Variants in ROBO2 observed in about 807,000 individuals in gnomAD.
The protein encoded by ROBO2 is roundabout homolog 2.
Under a neutral mutation model 160.8 loss-of-function variants are expected in ROBO2, and 53 were observed. The observed-to-expected ratio is 0.33, with a 90% CI of 0.26 to 0.41. The LOEUF is 0.41. ROBO2 is among the 10% of genes least tolerant of loss of function. The pLI, the probability that ROBO2 is intolerant of heterozygous loss-of-function variation, is 1.00. For missense variants in ROBO2, 1,577 were observed against 1,722.4 expected (o/e 0.92, Z 1.49); for synonymous variants, 664 against 611.7 (o/e 1.09, Z -1.26).
At chr3:77,223,159 G>A (rs2151214256) in intron 2 of ROBO2, among the ~76,000 whole-genome samples, 1 of 152,226 alleles carries the variant, frequency 6.6e-6, no homozygotes, top group African/African-American at 2.4e-5. Context: ...CACTGTTTTA[G>A]TTATGAAGAA....
intron 2 of ROBO2, among the ~76,000 whole-genome samples, chr3:77,323,584 CTA>C (rs1457504877): frequency 6.6e-6 from 1 of 152,132 alleles, no homozygotes; most frequent in African/African-American, 2.4e-5. Context: ...CCTTTGGACT[CTA>C]TTTGTGTATA....
intron 2 of ROBO2, among the ~76,000 whole-genome samples, chr3:76,054,087 A>G (rs754700655): frequency 2.0e-5 from 3 of 152,126 alleles, no homozygotes; most frequent in Non-Finnish European, 4.4e-5. Flanking sequence ...TTATGGAAAT[A>G]TGTTTTAAGT....
chr3:77,220,033 T>C (rs2151187533), intron 2 of ROBO2, among the ~76,000 whole-genome samples: 1 of 152,066 alleles, frequency 6.6e-6, no homozygotes, highest in Admixed American at 6.6e-5. Flanking sequence ...TGCTTTGAGA[T>C]GGAGTCTCAC....
rs554349347 is a variant in ROBO2 at position 76,896,058 on chromosome 3, G to A, written c.110-201956G>A. On this transcript the variant is annotated intron_variant, in intron 2 of 26. Coordinates refer to the ROBO2 transcript ENST00000487694. ...TCAGTTCTTTACTTGCAATATTACT[G>A]CCAATTTGGCATATTTGAGAGTTCA... 1.5e-3 allele frequency among the ~76,000 whole-genome samples: 231 copies of A among 152,196 alleles called. 2 individuals are homozygous for A. The highest frequency in any genetic ancestry group is 5.2e-3 in the African/African-American group (218 of 41,544).
rs1367128994 is a variant in ROBO2, at chr3:76,737,962, AC to A, written c.110-360050del. 9.2e-5 allele frequency among the ~76,000 whole-genome samples: 14 copies of A among 152,014 alleles called. No individual in the cohort carries two copies. The East Asian group carries it at 2.5e-3, about 27-fold the overall frequency. On this transcript the variant is annotated intron_variant, in intron 2 of 26. Transcript: ENST00000487694. ...AAGACCAGCCTGGGTGGGAGACCCC[AC>A]CTCTACAAAAAAATACAAAAATTAG...
intron 9 of ROBO2, among the ~76,000 whole-genome samples, chr3:77,560,206 C>A (rs1180450376): frequency 3.3e-5 from 5 of 151,998 alleles, no homozygotes; most frequent in Non-Finnish European, 7.4e-5. Context: ...CTCTGAGATG[C>A]CAGCTCCTTG....
rs568050836 is a variant in ROBO2 at position 77,474,819 on chromosome 3, G to A, written c.389-2595G>A. On this transcript the variant is annotated intron_variant, in intron 2 of 25. Transcript: ENST00000461745. ...TCTTGTTTTTATCGGCTACGATAAAGAGCACAGGGCAAAATCCAAGGCAGA... is the reference window on the plus strand; with the variant it reads ...TCTTGTTTTTATCGGCTACGATAAAAAGCACAGGGCAAAATCCAAGGCAGA... 1.4e-3 allele frequency among the ~76,000 whole-genome samples: 217 copies of A among 152,234 alleles called. No individual in the cohort carries two copies. The Middle Eastern group carries it at 0.017, about 12-fold the overall frequency.
At chr3:76,287,062 A>G (rs968161626) in intron 2 of ROBO2, among the ~76,000 whole-genome samples, 2 of 152,192 alleles carry the variant, frequency 1.3e-5, no homozygotes, top group Non-Finnish European at 2.9e-5. Context: ...GCAAAAATAT[A>G]AATTTATTCC....
intron 1 of ROBO2, among the ~76,000 whole-genome samples, chr3:77,044,594 G>T (rs1472709952): frequency 6.6e-6 from 1 of 151,850 alleles, no homozygotes; most frequent in Non-Finnish European, 1.5e-5. Context: ...AACACTTGAA[G>T]AGTGAAGAAG....
chr3:76,052,988 T>A (rs542215934), intron 2 of ROBO2, among the ~76,000 whole-genome samples: 1 of 152,048 alleles, frequency 6.6e-6, no homozygotes, highest in Non-Finnish European at 1.5e-5. Flanking sequence ...AGAAGCTAGT[T>A]TTATGAATTA....
intron 2 of ROBO2, among the ~76,000 whole-genome samples, chr3:76,060,792 G>C (rs895500511): frequency 6.6e-6 from 1 of 151,696 alleles, no homozygotes; most frequent in African/African-American, 2.4e-5. Context: ...AATAGATCTT[G>C]TCTGTGACTC....
chr3:76,588,247 T>A (rs2086181724), intron 2 of ROBO2, among the ~76,000 whole-genome samples: 1 of 152,188 alleles, frequency 6.6e-6, no homozygotes, highest in Non-Finnish European at 1.5e-5. Flanking sequence ...TGTCATGTAT[T>A]GGTATCATTA....
intron 2 of ROBO2, among the ~76,000 whole-genome samples, chr3:77,334,026 A>G (rs1228709434): frequency 6.6e-6 from 1 of 152,154 alleles, no homozygotes; most frequent in East Asian, 1.9e-4. Flanking sequence ...TCTAACACCT[A>G]TTCTCCTGCC....
chr3:76,388,376 A>C (rs1018541650), intron 2 of ROBO2, among the ~76,000 whole-genome samples: 2 of 150,928 alleles, frequency 1.3e-5, no homozygotes, highest in African/African-American at 4.9e-5. Flanking sequence ...GGTTCACGCC[A>C]TTCTCCTGCC....
At chr3:77,178,813 G>A (rs898522609) in intron 2 of ROBO2, among the ~76,000 whole-genome samples, 2 of 151,970 alleles carry the variant, frequency 1.3e-5, no homozygotes, top group African/African-American at 2.4e-5. Flanking sequence ...TTTGAAAATA[G>A]GAAGGCTACT....
At chr3:76,806,207 C>CTG (rs781013563) in intron 2 of ROBO2, among the ~76,000 whole-genome samples, 9 of 80,520 alleles carry the variant, frequency 1.1e-4, no homozygotes, top group East Asian at 9.0e-4. Context: ...TGTTTATTTT[C>CTG]TGTGTGCGTG....
intron 2 of ROBO2, among the ~76,000 whole-genome samples, chr3:76,792,786 T>G (rs2108750836): frequency 6.6e-6 from 1 of 151,892 alleles, no homozygotes; most frequent in Non-Finnish European, 1.5e-5. Context: ...CCAAACTTTT[T>G]TTCTAAGTTG....
At chr3:76,443,844 T>A (rs1487181162) in intron 2 of ROBO2, among the ~76,000 whole-genome samples, 1 of 152,204 alleles carries the variant, frequency 6.6e-6, no homozygotes, top group Non-Finnish European at 1.5e-5. Flanking sequence ...AAACTTCTGC[T>A]GGTCTTTTCT....
intron 1 of ROBO2, among the ~76,000 whole-genome samples, chr3:75,922,850 A>T (rs1947124801): frequency 1.3e-5 from 2 of 152,178 alleles, no homozygotes; most frequent in Non-Finnish European, 2.9e-5. Context: ...ACATTTCCAT[A>T]ATTTTTCTTC....
Sources: allele counts gnomAD v4.1 joint callset (sites outside exome capture counted in the v4.1 genomes callset), GRCh38; gene constraint gnomAD v4.1.1; transcripts MANE v1.5; gene names NCBI Gene and HGNC (gene_info 2026-07-23, HGNC 2026-07-21).